The following UQCC6 variants were observed in gnomAD, a reference collection of about 807,000 sequenced individuals.
UQCC6 encodes the protein ubiquinol-cytochrome c reductase complex assembly factor 6.
the UQCC6 span, among the ~76,000 whole-genome samples, chr12:103,961,199 A>G: frequency 1.3e-5 from 2 of 152,064 alleles, no homozygotes; most frequent in Non-Finnish European, 2.9e-5. Context: ...AAAATTAAAA[A>G]CAGAAAAAAG....
the UQCC6 span, among the ~76,000 whole-genome samples, chr12:103,964,178 A>C: frequency 2.0e-5 from 2 of 101,670 alleles, no homozygotes; most frequent in Admixed American, 3.2e-4. Context: ...TTTGAGACGG[A>C]GTCTCACTCT....
the UQCC6 span, chr12:103,950,957 C>T: frequency 2.6e-5 from 4 of 152,316 alleles, no homozygotes; most frequent in South Asian, 2.1e-4. Context: ...ACGGTCTGTC[C>T]TCCCCTTAAG....
the UQCC6 span, among the ~76,000 whole-genome samples, chr12:103,961,296 T>TA: frequency 2.0e-5 from 3 of 152,282 alleles, no homozygotes; most frequent in African/African-American, 7.2e-5. Context: ...GTCAAAAGTT[T>TA]AAAAAATTAA....
At chr12:103,962,113 T>C in the UQCC6 span, among the ~76,000 whole-genome samples, 1 of 152,346 alleles carries the variant, frequency 6.6e-6, no homozygotes, top group South Asian at 2.1e-4. Context: ...CATATTTTCT[T>C]GTGCTTCTAT....
the UQCC6 span, among the ~76,000 whole-genome samples, chr12:103,954,391 C>T: frequency 7.2e-5 from 11 of 152,176 alleles, no homozygotes; most frequent in Non-Finnish European, 1.2e-4. Context: ...GTCCAGCTTC[C>T]GGTGAGGCCT....
chr12:103,960,601 T>C, the UQCC6 span, among the ~76,000 whole-genome samples: 3 of 152,214 alleles, frequency 2.0e-5, no homozygotes, highest in African/African-American at 7.2e-5. Context: ...ATAAAAATCC[T>C]TGGACACATA....
At chr12:103,961,660 G>A in the UQCC6 span, among the ~76,000 whole-genome samples, 6 of 152,092 alleles carry the variant, frequency 3.9e-5, no homozygotes, top group South Asian at 2.1e-4. Context: ...AGGTTCAAGC[G>A]ATTTTCCTGC....
the UQCC6 span, among the ~76,000 whole-genome samples, chr12:103,960,832 A>G: frequency 1.3e-5 from 2 of 152,234 alleles, no homozygotes; most frequent in Non-Finnish European, 2.9e-5. Flanking sequence ...GCTGCCAGTC[A>G]TCTAAAAGTA....
At chr12:103,952,638 A>G in the UQCC6 span, among the ~76,000 whole-genome samples, 1 of 152,170 alleles carries the variant, frequency 6.6e-6, no homozygotes, top group Non-Finnish European at 1.5e-5. Flanking sequence ...CCCATCAACA[A>G]TGCGTGAGGC....
At chr12:103,956,653 T>TGCACCACTTCTGCCCCTGC in the UQCC6 span, 1 of 1,551,572 alleles carries the variant, frequency 6.4e-7, no homozygotes, top group African/African-American at 1.4e-5. Context: ...GTAGTACCTG[T>TGCACCACTTCTGCCCCTGC]GCACCACTTC....
the UQCC6 span, chr12:103,951,736 C>A: frequency 3.3e-6 from 2 of 614,880 alleles, no homozygotes; most frequent in South Asian, 4.2e-5. Flanking sequence ...AAAAAGTTCC[C>A]TTGCTTGCTA....
chr12:103,959,851 T>G, the UQCC6 span, among the ~76,000 whole-genome samples: 1 of 140,094 alleles, frequency 7.1e-6, no homozygotes, highest in Non-Finnish European at 1.5e-5. Context: ...GTCACCAGGC[T>G]GGAGTGCAGA....
At chr12:103,955,242 G>A in the UQCC6 span, among the ~76,000 whole-genome samples, 6 of 152,104 alleles carry the variant, frequency 3.9e-5, no homozygotes, top group African/African-American at 1.2e-4. Flanking sequence ...GCTTGAACCC[G>A]GAAGGCAGAG....
the UQCC6 span, chr12:103,953,519 T>C: frequency 5.7e-6 from 4 of 702,372 alleles, no homozygotes; most frequent in South Asian, 4.4e-5. Context: ...ACCGAAAGAC[T>C]TGTGATCCAG....
At chr12:103,962,781 G>A in the UQCC6 span, among the ~76,000 whole-genome samples, 1 of 152,222 alleles carries the variant, frequency 6.6e-6, no homozygotes, top group Non-Finnish European at 1.5e-5. Flanking sequence ...TGCCTATGGG[G>A]CAGCCTTGCT....
chr12:103,961,626 G>A, the UQCC6 span, among the ~76,000 whole-genome samples: 1 of 151,908 alleles, frequency 6.6e-6, no homozygotes, highest in South Asian at 2.1e-4. Flanking sequence ...GCTCAATCTC[G>A]GCTCATTGCA....
At chr12:103,957,590 G>A in the UQCC6 span, among the ~76,000 whole-genome samples, 2 of 152,220 alleles carry the variant, frequency 1.3e-5, no homozygotes, top group South Asian at 4.1e-4. Context: ...CACTGTCCCT[G>A]TGTCTGGCGT....
chr12:103,964,434 C>A, the UQCC6 span, among the ~76,000 whole-genome samples: 1 of 152,120 alleles, frequency 6.6e-6, no homozygotes, highest in African/African-American at 2.4e-5. Flanking sequence ...CGTTAACTTT[C>A]TTTTGCCATG....
At chr12:103,960,280 C>G in the UQCC6 span, among the ~76,000 whole-genome samples, 5 of 151,988 alleles carry the variant, frequency 3.3e-5, no homozygotes, top group African/African-American at 1.2e-4. Flanking sequence ...ACCACGTTGG[C>G]CAGGGTGGTC....
Sources: allele counts gnomAD v4.1 joint callset (sites outside exome capture counted in the v4.1 genomes callset), GRCh38; gene constraint gnomAD v4.1.1; transcripts MANE v1.5; gene names NCBI Gene and HGNC (gene_info 2026-07-23, HGNC 2026-07-21).